Variants in DNAH7 observed in about 807,000 individuals in gnomAD.
DNAH7 encodes the protein axonemal beta dynein heavy chain 7.
Under a neutral mutation model 444.6 loss-of-function variants are expected in DNAH7, and 397 were observed. The observed-to-expected ratio is 0.89, with a 90% confidence interval of 0.82 to 0.97. The LOEUF (loss-of-function observed/expected upper bound fraction) is 0.97, where lower values mean the gene tolerates loss of function less well. Ranked by LOEUF, DNAH7 falls within the 50% of genes least tolerant of loss-of-function variation. The pLI is 0.00. For missense variants in DNAH7, 4,902 were observed against 4,800.8 expected (o/e 1.02, Z -0.62); for synonymous variants, 1,636 against 1,624.4 (o/e 1.01, Z -0.17).
rs1429425354 is a variant in DNAH7, at chr2:195,852,906, A to ACC, written c.8781+436_8781+437insGG. Among the ~76,000 whole-genome samples the ACC allele has an allele frequency of 4.8e-5, 6 of 125,938 alleles. No individual in the cohort carries two copies. In the East Asian group the frequency reaches 1.2e-3, roughly 25 times the overall value. The allele number at this position is 125,938 out of a possible 152,430, so 82.6% of individuals were successfully genotyped here. On this transcript the variant is annotated intron_variant, in intron 46 of 64. Transcript: ENST00000312428. ...GCTGATGAAGTACACACACACACAC[A>ACC]CACACACACAGAGAGAGAGAGAGAG...
At chr2:195,917,018 C>T (rs552777599) in intron 24 of DNAH7, among the ~76,000 whole-genome samples, 10 of 147,588 alleles carry the variant, frequency 6.8e-5, no homozygotes, top group Admixed American at 1.4e-4. Flanking sequence ...AGGAGAATGG[C>T]GTGAACCCAG....
intron 40 of DNAH7, among the ~76,000 whole-genome samples, chr2:195,865,979 G>C (rs1349920870): frequency 1.3e-5 from 2 of 152,122 alleles, no homozygotes; most frequent in African/African-American, 4.8e-5. Context: ...GCCAGCGTGA[G>C]AAAATAAATT....
At chr2:196,012,344 T>G (rs2125722000) in intron 10 of DNAH7, among the ~76,000 whole-genome samples, 1 of 152,194 alleles carries the variant, frequency 6.6e-6, no homozygotes, top group African/African-American at 2.4e-5. Context: ...TGCCTTCTAG[T>G]GAGATTTTTT....
intron 54 of DNAH7, among the ~76,000 whole-genome samples, chr2:195,801,395 T>C (rs757002115): frequency 1.1e-4 from 16 of 152,186 alleles, no homozygotes; most frequent in Non-Finnish European, 2.4e-4. Flanking sequence ...CAGAATATTG[T>C]GAACACTACC....
chr2:195,824,223 C>G (rs370219751), intron 49 of DNAH7, 32 bp downstream of exon 49: 1 of 1,567,688 alleles, frequency 6.4e-7, no homozygotes, highest in African/African-American at 1.4e-5. Flanking sequence ...ATTACAAAAT[C>G]TGATAAAGAA....
At chr2:196,044,203 A>ATGTGTG (rs367981308) in intron 5 of DNAH7, among the ~76,000 whole-genome samples, 7,742 of 147,014 alleles carry the variant, frequency 0.053, 729 homozygotes, top group African/African-American at 0.18. Flanking sequence ...ATATATATAT[A>ATGTGTG]TGTGTGTGTG....
intron 27 of DNAH7, 148 bp from the exon 28 acceptor site, chr2:195,900,642 G>T: frequency 1.4e-6 from 1 of 695,970 alleles, no homozygotes; most frequent in Non-Finnish European, 2.3e-6. Flanking sequence ...GTAACTAGAG[G>T]CTGGGAAAGG....
At chr2:195,978,862 G>T (rs1329612479) in intron 15 of DNAH7, among the ~76,000 whole-genome samples, 1 of 152,134 alleles carries the variant, frequency 6.6e-6, no homozygotes, top group African/African-American at 2.4e-5. Flanking sequence ...GGCTGATTCA[G>T]CCAGAGGATA....
chr2:195,874,197 TA>T (rs1700890751), intron 38 of DNAH7, among the ~76,000 whole-genome samples: 1 of 152,216 alleles, frequency 6.6e-6, no homozygotes, highest in Admixed American at 6.5e-5. Flanking sequence ...GACGAGTCTA[TA>T]CAGTTCATAT....
At chr2:195,799,537 A>T (rs777885534) in intron 54 of DNAH7, 65 bp from the exon 55 acceptor site, 136 of 1,391,386 alleles carry the variant, frequency 9.8e-5, no homozygotes, top group Non-Finnish European at 1.2e-4. Context: ...TTAAAAATTT[A>T]GATTCAAAGG....
intron 48 of DNAH7, among the ~76,000 whole-genome samples, chr2:195,832,205 T>C (rs1339835585): frequency 6.6e-6 from 1 of 152,180 alleles, no homozygotes; most frequent in African/African-American, 2.4e-5. Context: ...ACCCATACTT[T>C]GGAAAACACT....
intron 32 of DNAH7, 152 bp downstream of exon 32, chr2:195,888,647 G>T: frequency 5.4e-6 from 5 of 920,386 alleles, no homozygotes; most frequent in Middle Eastern, 6.9e-4. Context: ...GTCAAGATAT[G>T]TCAACAGATA....
intron 18 of DNAH7, among the ~76,000 whole-genome samples, chr2:195,957,915 A>T (rs910739606): frequency 8.5e-5 from 13 of 152,128 alleles, no homozygotes; most frequent in African/African-American, 2.7e-4. Context: ...TTGACAGTAA[A>T]GGTATTCCCA....
intron 20 of DNAH7, among the ~76,000 whole-genome samples, chr2:195,935,260 C>T (rs186278511): frequency 1.2e-4 from 18 of 152,256 alleles, no homozygotes; most frequent in Non-Finnish European, 2.2e-4. Context: ...AAATCAACTG[C>T]GTTGACAGTA....
Position 196,024,417 on chromosome 2 carries a change from C to G in DNAH7, c.743+12G>C. On this transcript the variant is annotated intron_variant, in intron 8 of 64. Coordinates refer to ENST00000312428, the MANE Select transcript of DNAH7 (RefSeq NM_018897.3). ...ACATAATCAACATTCTTAGAGAAAT[C>G]TGATCACTTACTCAGCACGATGGGC... 6.5e-7 allele frequency: 1 copy of G among 1,545,842 alleles called. No homozygotes were observed.
chr2:195,815,684 A>C (rs552730194), intron 51 of DNAH7, among the ~76,000 whole-genome samples: 1 of 152,336 alleles, frequency 6.6e-6, no homozygotes, highest in Non-Finnish European at 1.5e-5. Context: ...TTTTTCAAAA[A>C]GTAACTACAC....
chr2:196,066,301 T>C (rs906830628), intron 1 of DNAH7, among the ~76,000 whole-genome samples: 1 of 152,264 alleles, frequency 6.6e-6, no homozygotes, highest in African/African-American at 2.4e-5. Flanking sequence ...GAGTTCTGGT[T>C]GTTAAAGTTA....
At position 195,853,525 on chromosome 2, in the gene DNAH7, C is replaced by A. The variant is rs193044685; in HGVS notation, c.8599G>T (p.Asp2867Tyr). 6.8e-5 allele frequency: 109 copies of A among 1,605,824 alleles called. No homozygotes were observed. Among genetic ancestry groups the A allele is most frequent in the Admixed American group, 6.3e-4 (37 of 58,744 alleles). ...CGTTCTAGTTTTTTGCTGCAAAGGT[C>A]AACCTCGAAAATAAAAGTGAGCTTT... is the stretch of plus-strand genomic sequence containing the variant. ...QKKADLENQV[D>Y]LCSKKLERAE... The change falls in exon 46 of 65, where the codon GAC (aspartate) becomes TAC (tyrosine). Residue 2867 changes from aspartate to tyrosine, a missense_variant. Asp to Tyr is a radical substitution (Grantham distance 160, BLOSUM62 -3). Transcript: ENST00000312428.
chr2:195,847,903 G>T (rs895593172), intron 46 of DNAH7, among the ~76,000 whole-genome samples: 1 of 152,206 alleles, frequency 6.6e-6, no homozygotes, highest in Non-Finnish European at 1.5e-5. Context: ...CTACCTGGGG[G>T]ACAGTCTGTA....
Sources: gnomAD v4.1 joint callset for allele counts (sites outside exome capture counted in the v4.1 genomes callset) on GRCh38, gnomAD v4.1.1 for gene constraint, MANE v1.5 for transcripts, NCBI Gene and HGNC (gene_info 2026-07-23, HGNC 2026-07-21) for gene names.